The following UNC13C variants were observed in gnomAD, a reference collection of about 807,000 sequenced individuals.
UNC13C encodes protein unc-13 homolog C.
In UNC13C, 174 loss-of-function variants were observed where a neutral mutation model predicts 245.4. The ratio of observed to expected loss-of-function variants is 0.71; its 90% CI spans 0.63 to 0.80. The LOEUF is 0.80. Among genes scored for constraint, UNC13C ranks in the 30% least tolerant of loss-of-function variants. The probability of loss-of-function intolerance (pLI) is 0.00; values close to 1 mark genes in which losing one functional copy is unlikely to be tolerated. For missense variants in UNC13C, 2,829 were observed against 2,602.9 expected, an observed-to-expected ratio of 1.09 and a Z score of -1.89; for synonymous variants, 992 against 895.1, an observed-to-expected ratio of 1.11 and a Z score of -1.93.
chr15:54,235,244 G>C, intron 5 of UNC13C, 136 bp downstream of exon 5: 1 of 600,880 alleles, frequency 1.7e-6, no homozygotes, highest in South Asian at 2.5e-5. Flanking sequence ...GATGCTACCT[G>C]CTGTTATATT....
At chr15:53,885,158 G>A in the UNC13C span, among the ~76,000 whole-genome samples, 10 of 152,204 alleles carry the variant, frequency 6.6e-5, no homozygotes, top group Non-Finnish European at 1.0e-4. Flanking sequence ...GCCTTGTCAG[G>A]CTCAGTTCTT....
intron 2 of UNC13C, among the ~76,000 whole-genome samples, chr15:54,018,798 A>G (rs1430018170): frequency 1.3e-5 from 2 of 152,188 alleles, no homozygotes; most frequent in African/African-American, 4.8e-5. Context: ...AGAATAGTCT[A>G]GAGGCAAGTT....
chr15:54,478,636 A>C (rs1244322102), intron 19 of UNC13C, among the ~76,000 whole-genome samples: 1 of 151,666 alleles, frequency 6.6e-6, no homozygotes, highest in African/African-American at 2.4e-5. Context: ...TGAGTTTCTT[A>C]ATCCTGAGTT....
At chr15:54,132,468 G>A (rs2031491674) in intron 2 of UNC13C, among the ~76,000 whole-genome samples, 1 of 152,170 alleles carries the variant, frequency 6.6e-6, no homozygotes, top group South Asian at 2.1e-4. Context: ...CACTCATCCA[G>A]TTGCATCCAG....
rs543415173 is a variant in UNC13C, at chr15:54,445,519, T to C, written c.4933+30452T>C. On this transcript the variant is annotated intron_variant, in intron 19 of 32. Transcript: ENST00000260323. ...CTCACTGGTGTGAGATGGTATCTCA[T>C]TGTGGTTTGCATTTCTCTGATGGCC... Among the ~76,000 whole-genome samples, 762 of 152,296 alleles carry C rather than the reference T, an allele frequency of 5.0e-3. 6 individuals carry two copies. Among genetic ancestry groups the C allele is most frequent in the African/African-American group, 0.017 (712 of 41,548 alleles).
chr15:54,022,080 A>G (rs2141005125), intron 2 of UNC13C, among the ~76,000 whole-genome samples: 1 of 152,358 alleles, frequency 6.6e-6, no homozygotes, highest in African/African-American at 2.4e-5. Context: ...GTTAAGCAAC[A>G]CATGACTGAA....
intron 17 of UNC13C, among the ~76,000 whole-genome samples, chr15:54,368,803 A>C (rs1199226419): frequency 3.3e-5 from 5 of 152,180 alleles, no homozygotes; most frequent in Non-Finnish European, 5.9e-5. Flanking sequence ...CAATTGCAAT[A>C]AATGTCTATC....
chr15:54,599,917 A>G (rs907989224), intron 30 of UNC13C, among the ~76,000 whole-genome samples: 5 of 152,164 alleles, frequency 3.3e-5, no homozygotes, highest in African/African-American at 1.2e-4. Flanking sequence ...GAAGAGAATG[A>G]TAATTACCTA....
intron 4 of UNC13C, among the ~76,000 whole-genome samples, chr15:54,217,094 G>T (rs1305095514): frequency 2.0e-5 from 3 of 152,016 alleles, no homozygotes; most frequent in Non-Finnish European, 4.4e-5. Flanking sequence ...GGAACAATTA[G>T]TACTGAGGAG....
chr15:54,442,608 G>A (rs369434219), intron 19 of UNC13C, among the ~76,000 whole-genome samples: 1 of 152,116 alleles, frequency 6.6e-6, no homozygotes, highest in African/African-American at 2.4e-5. Flanking sequence ...TTATTATGTT[G>A]AGTTATGTTC....
chr15:54,004,993 G>T (rs951190995), intron 1 of UNC13C, among the ~76,000 whole-genome samples: 1 of 152,006 alleles, frequency 6.6e-6, no homozygotes, highest in African/African-American at 2.4e-5. Flanking sequence ...CCTTTGCTGT[G>T]CAGAAGCTTT....
chr15:54,182,203 G>A (rs2033824550), intron 4 of UNC13C, among the ~76,000 whole-genome samples: 1 of 151,976 alleles, frequency 6.6e-6, no homozygotes, highest in South Asian at 2.1e-4. Flanking sequence ...TTTGTGGCAT[G>A]TTCCTTCGAT....
intron 2 of UNC13C, among the ~76,000 whole-genome samples, chr15:54,041,709 T>G (rs1054608941): frequency 2.6e-5 from 4 of 152,194 alleles, no homozygotes; most frequent in African/African-American, 9.6e-5. Context: ...ATGAGAATAA[T>G]GAAAATAATA....
intron 18 of UNC13C, among the ~76,000 whole-genome samples, chr15:54,399,032 A>G (rs2040127116): frequency 1.3e-5 from 2 of 151,688 alleles, no homozygotes; most frequent in South Asian, 4.1e-4. Context: ...GTGAGAAGAT[A>G]TGAAAGCCTT....
At chr15:54,540,694 C>T (rs1316461782) in intron 26 of UNC13C, among the ~76,000 whole-genome samples, 1 of 152,052 alleles carries the variant, frequency 6.6e-6, no homozygotes, top group African/African-American at 2.4e-5. Context: ...GCACTTTCTC[C>T]ACTAAGACCT....
At chr15:54,460,109 C>T (rs916846718) in intron 19 of UNC13C, among the ~76,000 whole-genome samples, 1 of 152,146 alleles carries the variant, frequency 6.6e-6, no homozygotes, top group Non-Finnish European at 1.5e-5. Context: ...ATGGTGCTCT[C>T]CCCCTAGGAA....
chr15:54,441,871 T>A (rs1890545166), intron 19 of UNC13C, among the ~76,000 whole-genome samples: 1 of 152,092 alleles, frequency 6.6e-6, no homozygotes, highest in African/African-American at 2.4e-5. Flanking sequence ...TCATCAGTGT[T>A]TTGTAGTTTT....
chr15:54,148,921 G>A lies in UNC13C; in HGVS notation c.3071+5237G>A, dbSNP rs7167027. On this transcript the variant is annotated intron_variant, in intron 4 of 32. Coordinates refer to ENST00000260323, the MANE Select transcript of UNC13C (RefSeq NM_001080534.3). ...TGCTTTAATCATGGAGGAAGGAGCC[G>A]TTGTCTTTTATATGGTTTGGTTGTG... Among the ~76,000 whole-genome samples the A allele has an allele frequency of 7.7e-3, 1,171 of 152,236 alleles. 20 individuals are homozygous for A. Among genetic ancestry groups the A allele is most frequent in the African/African-American group, 0.027 (1,107 of 41,538 alleles).
At position 54,007,520 on chromosome 15, in the gene UNC13C, A is replaced by T. The variant is rs536680029; in HGVS notation, c.-256-5128A>T. Among the ~76,000 whole-genome samples the T allele has an allele frequency of 6.1e-4, 93 of 152,282 alleles. 1 individual carries two copies. The highest frequency in any genetic ancestry group is 2.2e-3 in the African/African-American group (93 of 41,536). On this transcript the variant is annotated intron_variant, in intron 1 of 32. Coordinates refer to ENST00000260323, the MANE Select transcript of UNC13C (RefSeq NM_001080534.3). ...CAAACTGATGCAGGAACAGAAAACC[A>T]AACACTGCATCTTCTCACTCATAAG...
Sources: gnomAD v4.1 joint callset for allele counts (sites outside exome capture counted in the v4.1 genomes callset) on GRCh38, gnomAD v4.1.1 for gene constraint, MANE v1.5 for transcripts, NCBI Gene and HGNC (gene_info 2026-07-23, HGNC 2026-07-21) for gene names.